Variants in KATNAL1 observed in about 807,000 individuals in gnomAD.
KATNAL1 encodes the protein katanin p60 ATPase-containing subunit A-like 1.
Under a neutral mutation model 55.2 loss-of-function variants are expected in KATNAL1, and 32 were observed. The ratio of observed to expected loss-of-function variants is 0.58; its 90% CI spans 0.44 to 0.78. The LOEUF (loss-of-function observed/expected upper bound fraction) is 0.78, where lower values mean the gene tolerates loss of function less well. Ranked by LOEUF, KATNAL1 falls within the 30% of genes least tolerant of loss-of-function variation. The probability of loss-of-function intolerance (pLI) is 0.00; values close to 1 mark genes in which losing one functional copy is unlikely to be tolerated. For synonymous variants in KATNAL1, 193 were observed against 193.6 expected, an observed-to-expected ratio of 1.00 and a Z score of 0.02; for missense variants, 466 against 600.9, an observed-to-expected ratio of 0.78 and a Z score of 2.35.
chr13:30,284,467 T>C lies in KATNAL1; in HGVS notation c.-14-676A>G, dbSNP rs192368931. Among the ~76,000 whole-genome samples the C allele has an allele frequency of 4.7e-3, 714 of 152,304 alleles. 14 individuals carry two copies. The highest frequency in any genetic ancestry group is 0.01 in the Middle Eastern group (3 of 294). Reference sequence around the variant, plus strand: ...TGAATATCACATAAATATATGAATATATTTTCTACTGAAGTCAGTTGAAAC... The same window carrying C: ...TGAATATCACATAAATATATGAATACATTTTCTACTGAAGTCAGTTGAAAC... On this transcript the variant is annotated intron_variant, in intron 1 of 10. Coordinates refer to ENST00000380615, the MANE Select transcript of KATNAL1 (RefSeq NM_032116.5).
At chr13:30,282,979 G>GA (rs1160249880) in intron 2 of KATNAL1, among the ~76,000 whole-genome samples, 4 of 118,700 alleles carry the variant, frequency 3.4e-5, no homozygotes, top group African/African-American at 6.3e-5. Flanking sequence ...AAAAAAAAAA[G>GA]AAAAAATGGG....
At chr13:30,232,038 C>T (rs183018661) in intron 6 of KATNAL1, among the ~76,000 whole-genome samples, 27 of 152,142 alleles carry the variant, frequency 1.8e-4, no homozygotes, top group African/African-American at 5.1e-4. Context: ...AATGCGTTAG[C>T]TTATATAAAA....
rs11843857 is a variant in KATNAL1, at chr13:30,273,112, T to C, written c.323+6951A>G. Among the ~76,000 whole-genome samples the C allele has an allele frequency of 3.0e-3, 456 of 152,310 alleles. 5 individuals are homozygous for C. The highest frequency in any genetic ancestry group is 0.01 in the African/African-American group (431 of 41,576). ...CCATCTAGCCCATGCATCATCAACTTTCCTCTTTCTACTGCAGCATTCCCA... is the reference window on the plus strand; with the variant it reads ...CCATCTAGCCCATGCATCATCAACTCTCCTCTTTCTACTGCAGCATTCCCA... On this transcript the variant is annotated intron_variant, in intron 3 of 10. Coordinates refer to ENST00000380615, the MANE Select transcript of KATNAL1 (RefSeq NM_032116.5).
At position 30,256,900 on chromosome 13, in the gene KATNAL1, G is replaced by C. The variant is rs947876068; in HGVS notation, c.324-1285C>G. On this transcript the variant is annotated intron_variant, in intron 3 of 10. Transcript: ENST00000380615. ...TATTTACTGAGGCACCCATTAGGTGGTATATGGCCTCTACCACACTGACCC... is the reference window on the plus strand; with the variant it reads ...TATTTACTGAGGCACCCATTAGGTGCTATATGGCCTCTACCACACTGACCC... Among the ~76,000 whole-genome samples the C allele has an allele frequency of 2.6e-5, 4 of 152,162 alleles. No homozygotes were observed. The East Asian group carries it at 7.7e-4, about 29-fold the overall frequency.
chr13:30,217,269 G>A (rs192177313), intron 9 of KATNAL1, among the ~76,000 whole-genome samples: 5 of 152,158 alleles, frequency 3.3e-5, no homozygotes, highest in East Asian at 1.9e-4. Context: ...CGGCTAACAC[G>A]GTGAAACCCT....
At chr13:30,277,248 G>A (rs1209879946) in intron 3 of KATNAL1, among the ~76,000 whole-genome samples, 3 of 152,222 alleles carry the variant, frequency 2.0e-5, no homozygotes, top group African/African-American at 7.2e-5. Context: ...AAAGAATGCT[G>A]TAGTCCTTTA....
At chr13:30,228,740 ATTGTTGGTGTT>A (rs1187041191) in intron 8 of KATNAL1, among the ~76,000 whole-genome samples, 3 of 152,066 alleles carry the variant, frequency 2.0e-5, no homozygotes, top group Non-Finnish European at 2.9e-5. Flanking sequence ...CAACTTGGAT[ATTGTTGGTGTT>A]TTGTTGTTGT....
Position 30,210,437 on chromosome 13 carries a change from CT to C in KATNAL1, c.1152del (p.Gly385GlufsTer6). The C allele has an allele frequency of 6.3e-7, 1 of 1,596,344 alleles. No individual in the cohort carries two copies. Among genetic ancestry groups the C allele is most frequent in the Non-Finnish European group, 8.5e-7 (1 of 1,174,512 alleles). The part of the protein sequence containing the change: ...KRIYIPLPTA[K>X]GRAELLKINL... ...TTGATCTTCAGAAGCTCAGCTCTTC[CT>C]TTTGCTGTTACAAGATTTTGGTGGT... On this transcript the variant is annotated frameshift_variant, in exon 10 of 11. Coordinates refer to ENST00000380615, the MANE Select transcript of KATNAL1 (RefSeq NM_032116.5). LOFTEE classifies it high-confidence loss of function.
At chr13:30,265,658 T>C (rs1282170446) in intron 3 of KATNAL1, among the ~76,000 whole-genome samples, 2 of 152,008 alleles carry the variant, frequency 1.3e-5, no homozygotes, top group African/African-American at 4.8e-5. Flanking sequence ...AGTTTTTTTT[T>C]CTACTTATGA....
chr13:30,263,575 A>G (rs1321541532), intron 3 of KATNAL1, among the ~76,000 whole-genome samples: 1 of 152,192 alleles, frequency 6.6e-6, no homozygotes, highest in Non-Finnish European at 1.5e-5. Context: ...ATACACCAAC[A>G]ACAGACAAAA....
At position 30,283,644 on chromosome 13, in the gene KATNAL1, T is replaced by A. The variant is rs147077648; in HGVS notation, c.134A>T (p.Asp45Val). The change falls in exon 2 of 11, where the codon GAT (aspartate) becomes GTT (valine). Residue 45 changes from aspartate to valine, a missense_variant. Transcript: ENST00000380615. Reference sequence around the variant, plus strand: ...TTGCCATTTGCCTTTGATAGCTGGATCTCTGACTGACTGGCAATGTCTCTG... The same window carrying A: ...TTGCCATTTGCCTTTGATAGCTGGAACTCTGACTGACTGGCAATGTCTCTG... ...QIQRHCQSVRDPAIKGKWQQV... is the reference protein window; with the variant it reads ...QIQRHCQSVRVPAIKGKWQQV... 7 of 1,613,914 alleles carry A rather than the reference T, an allele frequency of 4.3e-6. No homozygotes were observed. The highest frequency in any genetic ancestry group is 5.9e-6 in the Non-Finnish European group (7 of 1,179,888).
Position 30,210,096 on chromosome 13 carries a change from A to G in KATNAL1, c.1274+220T>C, listed in dbSNP as rs534114504. ...CGACACAACAATTTCTTAAAAATCC[A>G]AAGATCAAAAACATCAACGACCACT... On this transcript the variant is annotated intron_variant, in intron 10 of 10. Coordinates refer to ENST00000380615, the MANE Select transcript of KATNAL1 (RefSeq NM_032116.5). Among the ~76,000 whole-genome samples the G allele has an allele frequency of 4.8e-4, 73 of 152,308 alleles. 1 individual carries two copies. Among genetic ancestry groups the G allele is most frequent in the African/African-American group, 1.5e-3 (62 of 41,574 alleles).
At chr13:30,253,186 T>C (rs1173202883) in intron 4 of KATNAL1, among the ~76,000 whole-genome samples, 6 of 152,228 alleles carry the variant, frequency 3.9e-5, no homozygotes, top group Non-Finnish European at 8.8e-5. Context: ...GTTACAAAAA[T>C]TGTAACTGAG....
chr13:30,249,341 G>A (rs1315733912), intron 4 of KATNAL1, among the ~76,000 whole-genome samples: 3 of 152,060 alleles, frequency 2.0e-5, no homozygotes, highest in Non-Finnish European at 2.9e-5. Flanking sequence ...TTGGAAACTG[G>A]TGTTCTTCCC....
intron 9 of KATNAL1, among the ~76,000 whole-genome samples, chr13:30,214,266 TAA>T (rs1873986360): frequency 6.6e-6 from 1 of 152,002 alleles, no homozygotes; most frequent in Admixed American, 6.5e-5. Flanking sequence ...CTCAATGAAA[TAA>T]AAGAGGATAC....
At chr13:30,232,042 T>C (rs928218452) in intron 6 of KATNAL1, among the ~76,000 whole-genome samples, 2 of 152,310 alleles carry the variant, frequency 1.3e-5, no homozygotes, top group Admixed American at 6.5e-5. Flanking sequence ...CGTTAGCTTA[T>C]ATAAAATAGT....
intron 6 of KATNAL1, among the ~76,000 whole-genome samples, chr13:30,235,917 C>T (rs571848013): frequency 2.6e-4 from 40 of 151,488 alleles, no homozygotes; most frequent in South Asian, 4.2e-4. Flanking sequence ...ATTGTAAACA[C>T]ATATTTTGTA....
At chr13:30,262,678 G>T (rs1377519447) in intron 3 of KATNAL1, among the ~76,000 whole-genome samples, 5 of 151,810 alleles carry the variant, frequency 3.3e-5, no homozygotes, top group Non-Finnish European at 7.4e-5. Flanking sequence ...GGAAGAAGTT[G>T]AATCTCTGAA....
Position 30,208,512 on chromosome 13 carries a change from T to C in KATNAL1, c.*28A>G, listed in dbSNP as rs61435763. ...TTTCTTCGTATTTTATCAACAAAAA[T>C]ACCAGAAATTAAAGAGCTGACAGAA... is the stretch of plus-strand genomic sequence containing the variant. On this transcript the variant is annotated 3_prime_UTR_variant, in exon 11 of 11. Coordinates refer to ENST00000380615, the MANE Select transcript of KATNAL1 (RefSeq NM_032116.5). 5.3e-3 allele frequency: 7,735 copies of C among 1,456,216 alleles called. 339 individuals carry two copies. In the African/African-American group the frequency reaches 0.098, roughly 18 times the overall value. The allele number at this position is 1,456,216 out of a possible 1,614,324, so 90.2% of individuals were successfully genotyped here.
Sources: allele counts gnomAD v4.1 joint callset (sites outside exome capture counted in the v4.1 genomes callset), GRCh38; gene constraint gnomAD v4.1.1; transcripts MANE v1.5; gene names NCBI Gene and HGNC (gene_info 2026-07-23, HGNC 2026-07-21).